BMPER: variants seen among roughly 807,000 people sequenced by gnomAD.
BMPER encodes the protein BMP binding endothelial regulator, also known as BMP-binding endothelial regulator protein.
In BMPER, 45 loss-of-function variants were observed where a neutral mutation model predicts 87.3. The observed-to-expected ratio is 0.52, with a 90% confidence interval of 0.41 to 0.66. The LOEUF (loss-of-function observed/expected upper bound fraction) is 0.66. BMPER is among the 30% of genes least tolerant of loss of function. The pLI is 0.00. For synonymous variants in BMPER, 326 were observed against 316.2 expected (o/e 1.03, Z -0.33); for missense variants, 784 against 867.5 (o/e 0.90, Z 1.21).
intron 6 of BMPER, among the ~76,000 whole-genome samples, chr7:33,993,877 C>T (rs1469497484): frequency 6.6e-6 from 1 of 152,134 alleles, no homozygotes; most frequent in Non-Finnish European, 1.5e-5. Context: ...GAGTACCATG[C>T]AGTGTGAGGT....
At chr7:33,964,807 G>C (rs937114073) in intron 3 of BMPER, among the ~76,000 whole-genome samples, 2 of 152,264 alleles carry the variant, frequency 1.3e-5, no homozygotes, top group South Asian at 4.2e-4. Flanking sequence ...CTTTCTTTCA[G>C]TTTTTTAATT....
chr7:33,985,418 A>G (rs976927019), intron 6 of BMPER, among the ~76,000 whole-genome samples: 4 of 152,234 alleles, frequency 2.6e-5, no homozygotes, highest in African/African-American at 9.6e-5. Context: ...GTTGTTAAAA[A>G]TTAACATTTT....
At chr7:34,029,833 A>G (rs948937581) in intron 6 of BMPER, among the ~76,000 whole-genome samples, 2 of 152,076 alleles carry the variant, frequency 1.3e-5, no homozygotes, top group African/African-American at 4.8e-5. Flanking sequence ...TGTCCCACAT[A>G]ATATTCCTGG....
chr7:33,908,998 A>G (rs557185806), intron 2 of BMPER, among the ~76,000 whole-genome samples: 5 of 152,374 alleles, frequency 3.3e-5, no homozygotes, highest in Admixed American at 6.5e-5. Flanking sequence ...CCGGACAGCC[A>G]GGAAGCTACT....
At chr7:34,065,713 C>T (rs530435088) in intron 11 of BMPER, among the ~76,000 whole-genome samples, 1 of 152,184 alleles carries the variant, frequency 6.6e-6, no homozygotes, top group Non-Finnish European at 1.5e-5. Flanking sequence ...AAAAAAGTTG[C>T]TATCTTTGCT....
intron 3 of BMPER, among the ~76,000 whole-genome samples, chr7:33,960,768 T>G (rs559763108): frequency 1.3e-5 from 2 of 152,302 alleles, no homozygotes; most frequent in South Asian, 2.1e-4. Flanking sequence ...AAACAGGAGA[T>G]CCAGTGAATG....
intron 13 of BMPER, among the ~76,000 whole-genome samples, chr7:34,134,416 C>A (rs1009851629): frequency 4.6e-5 from 7 of 152,142 alleles, no homozygotes; most frequent in Admixed American, 4.6e-4. Flanking sequence ...CCCTGGCCAG[C>A]TCCTGAGACC....
chr7:34,008,313 C>T (rs1228128977), intron 6 of BMPER, among the ~76,000 whole-genome samples: 2 of 151,870 alleles, frequency 1.3e-5, no homozygotes, highest in Non-Finnish European at 2.9e-5. Flanking sequence ...TGACATTTCT[C>T]AATTTGTCAC....
At chr7:34,032,974 A>G (rs985046542) in intron 6 of BMPER, among the ~76,000 whole-genome samples, 11 of 152,192 alleles carry the variant, frequency 7.2e-5, no homozygotes, top group African/African-American at 1.4e-4. Flanking sequence ...TCAAAGGCTC[A>G]GTAGATCATA....
intron 13 of BMPER, among the ~76,000 whole-genome samples, chr7:34,140,958 C>A (rs1409519419): frequency 6.6e-6 from 1 of 152,052 alleles, no homozygotes; most frequent in African/African-American, 2.4e-5. Context: ...AGAAAGAGAC[C>A]CACCCCCATG....
At chr7:34,063,391 G>A (rs958041145) in intron 11 of BMPER, among the ~76,000 whole-genome samples, 278 of 130,952 alleles carry the variant, frequency 2.1e-3, no homozygotes, top group African/African-American at 9.0e-3. Flanking sequence ...GTGTGTGTGT[G>A]TGTGTGTGTG....
At chr7:34,061,945 AC>A in intron 10 of BMPER, 56 bp from the exon 11 acceptor site, 1 of 1,044,024 alleles carries the variant, frequency 9.6e-7, no homozygotes, top group Non-Finnish European at 1.4e-6. Context: ...TCCTCAGGAG[AC>A]CCTGTTTTTT....
At position 34,085,811 on chromosome 7, in the gene BMPER, T is replaced by A; in HGVS notation, c.1464T>A (p.His488Gln). The A allele has an allele frequency of 6.2e-7, 1 of 1,614,198 alleles. No individual in the cohort carries two copies. The highest frequency in any genetic ancestry group is 8.5e-7 in the Non-Finnish European group (1 of 1,180,032). ...TTGTAGAAGTCATGGCTGCGCCGCATCTCAAGGGCAAGCTCTGTGGTCTTT... is the reference window on the plus strand; with the variant it reads ...TTGTAGAAGTCATGGCTGCGCCGCAACTCAAGGGCAAGCTCTGTGGTCTTT... ...DSFVEVMAAPHLKGKLCGLCG... is the reference protein window; with the variant it reads ...DSFVEVMAAPQLKGKLCGLCG... The change falls in exon 13 of 15, where the codon CAT becomes CAA. Residue 488 changes from histidine (H) to glutamine (Q), a missense_variant. His to Gln is a conservative substitution (Grantham distance 24). Transcript: ENST00000649409.
intron 13 of BMPER, among the ~76,000 whole-genome samples, chr7:34,091,521 A>G (rs1201010643): frequency 1.3e-5 from 2 of 152,226 alleles, no homozygotes; most frequent in Non-Finnish European, 2.9e-5. Context: ...ACCAGGTGGC[A>G]GTAGACACCG....
At chr7:33,957,978 GTCAC>G (rs968797259) in intron 3 of BMPER, among the ~76,000 whole-genome samples, 4 of 152,174 alleles carry the variant, frequency 2.6e-5, no homozygotes, top group African/African-American at 9.7e-5. Flanking sequence ...TCTTTACACT[GTCAC>G]TGATGTCTTT....
chr7:33,908,072 G>A (rs1466581425), intron 2 of BMPER, among the ~76,000 whole-genome samples: 1 of 152,272 alleles, frequency 6.6e-6, no homozygotes, highest in South Asian at 2.1e-4. Context: ...AGCTGAGAGA[G>A]GGTGTATTAT....
At chr7:33,920,524 CA>C (rs1784203276) in intron 2 of BMPER, among the ~76,000 whole-genome samples, 1 of 141,140 alleles carries the variant, frequency 7.1e-6, no homozygotes, top group Non-Finnish European at 1.5e-5. Context: ...CTCCTGGGTT[CA>C]AGTGATTCTC....
Position 33,913,958 on chromosome 7 carries a change from C to G in BMPER, c.219+7055C>G, listed in dbSNP as rs571610425. Among the ~76,000 whole-genome samples the G allele has an allele frequency of 7.0e-5, 10 of 142,416 alleles. No homozygotes were observed. In the South Asian group the frequency reaches 2.3e-3, roughly 33 times the overall value. 93.4% of individuals were successfully genotyped at this position (142,416 alleles called of 152,430 possible). The stretch of plus-strand genomic sequence containing the variant: ...TAGTAATGTATGCTCAGTTTTAGCA[C>G]AATTTTTTTTTTTTTTTTTTTGAGA... On this transcript the variant is annotated intron_variant, in intron 2 of 14. Transcript: ENST00000649409.
chr7:34,123,907 C>T (rs1366867364), intron 13 of BMPER, among the ~76,000 whole-genome samples: 1 of 152,138 alleles, frequency 6.6e-6, no homozygotes, highest in Non-Finnish European at 1.5e-5. Context: ...AATCTGTCTC[C>T]TTTCCCAGGA....
Sources: gnomAD v4.1 joint callset for allele counts (sites outside exome capture counted in the v4.1 genomes callset) on GRCh38, gnomAD v4.1.1 for gene constraint, MANE v1.5 for transcripts, NCBI Gene and HGNC (gene_info 2026-07-23, HGNC 2026-07-21) for gene names.